DOCK4: variants seen among roughly 807,000 people sequenced by gnomAD.
DOCK4 encodes the protein dedicator of cytokinesis protein 4.
A neutral mutation model predicts 268.1 loss-of-function variants in DOCK4; 97 were observed. The ratio of observed to expected loss-of-function variants is 0.36; its 90% confidence interval spans 0.31 to 0.43. DOCK4 has a LOEUF of 0.43. Among genes scored for constraint, DOCK4 ranks in the 20% least tolerant of loss-of-function variants. DOCK4 has a pLI of 1.00. For missense variants in DOCK4, 2,145 were observed against 2,455.7 expected (o/e 0.87, Z 2.67); for synonymous variants, 954 against 887.2 (o/e 1.08, Z -1.34).
rs929041868 is a variant in DOCK4, at chr7:111,743,373, G to A, written c.4678-1241C>T. On this transcript the variant is annotated intron_variant, in intron 44 of 52. Coordinates refer to ENST00000428084, the MANE Select transcript of DOCK4 (RefSeq NM_001363540.2). ...CAAACAGGACTGACCCTGGCGGGTT[G>A]GGGCATCCAGCACCTTCCCTAAGGG... is the stretch of plus-strand genomic sequence containing the variant. Among the ~76,000 whole-genome samples, 6 of 152,214 alleles carry A rather than the reference G, an allele frequency of 3.9e-5. 1 individual carries two copies. Among genetic ancestry groups the A allele is most frequent in the African/African-American group, 1.4e-4 (6 of 41,444 alleles).
chr7:111,810,309 A>AGGTGTGGT (rs974535669), intron 28 of DOCK4, among the ~76,000 whole-genome samples: 1 of 151,974 alleles, frequency 6.6e-6, no homozygotes, highest in Admixed American at 6.6e-5. Flanking sequence ...AAAATTAGCC[A>AGGTGTGGT]GGTGTGGTGG....
At chr7:112,008,849 C>G (rs1801065090) in intron 1 of DOCK4, among the ~76,000 whole-genome samples, 1 of 152,140 alleles carries the variant, frequency 6.6e-6, no homozygotes, top group Non-Finnish European at 1.5e-5. Flanking sequence ...CAAAAAGTAG[C>G]TGGGCGTGGT....
At chr7:112,092,822 GA>G (rs1302458583) in intron 1 of DOCK4, among the ~76,000 whole-genome samples, 24 of 152,060 alleles carry the variant, frequency 1.6e-4, no homozygotes, top group Admixed American at 1.4e-3. Context: ...AAGATGAAAT[GA>G]AAAGCACAGA....
intron 1 of DOCK4, among the ~76,000 whole-genome samples, chr7:112,048,135 A>T (rs760471905): frequency 2.0e-5 from 3 of 152,188 alleles, no homozygotes; most frequent in Admixed American, 1.3e-4. Flanking sequence ...TCCAAATTCG[A>T]TAAGAACATA....
At chr7:111,944,739 C>T in intron 10 of DOCK4, 72 bp downstream of exon 10, 1 of 1,384,148 alleles carries the variant, frequency 7.2e-7, no homozygotes, top group South Asian at 1.2e-5. Flanking sequence ...TAAATCACAA[C>T]AACATAGAAA....
intron 1 of DOCK4, among the ~76,000 whole-genome samples, chr7:112,081,110 T>C (rs1808542109): frequency 6.6e-6 from 1 of 151,990 alleles, no homozygotes; most frequent in African/African-American, 2.4e-5. Flanking sequence ...ACAAAAATAC[T>C]GAGACAGGAA....
Position 112,200,725 on chromosome 7 carries a change from T to TTAA in DOCK4, c.37+5376_37+5377insTTA, listed in dbSNP as rs1554478846. 8.2e-3 allele frequency among the ~76,000 whole-genome samples: 839 copies of TTAA among 102,728 alleles called. 12 individuals are homozygous for TTAA. The highest frequency in any genetic ancestry group is 0.025 in the African/African-American group (736 of 29,860). The allele number at this position is 102,728 out of a possible 152,430, so 67.4% of individuals were successfully genotyped here. A position where few individuals can be genotyped will look rare whatever the true frequency, so the allele number is the denominator to read the frequency against. On this transcript the variant is annotated intron_variant, in intron 1 of 52. Transcript: ENST00000428084. ...CTAGCTACCATAACAGCCTCTAAAA[T>TTAA]AAAAAAAAAAAAACAAAAAAAAACA...
intron 1 of DOCK4, among the ~76,000 whole-genome samples, chr7:112,156,964 A>G (rs982892498): frequency 7.4e-6 from 1 of 134,718 alleles, no homozygotes; most frequent in African/African-American, 2.9e-5. Flanking sequence ...AATTATATAT[A>G]GCTTGATTTT....
intron 23 of DOCK4, among the ~76,000 whole-genome samples, chr7:111,850,433 C>A (rs1221599276): frequency 6.6e-6 from 1 of 152,066 alleles, no homozygotes; most frequent in Non-Finnish European, 1.5e-5. Context: ...TTGCAAAATC[C>A]TTTTGCAGCC....
In DOCK4 at chr7:111,901,806, A is replaced by T; in HGVS notation, c.1193-5T>A. ...ATAAATCATTCCTCATTTCACCTAT[A>T]AGGAAAGGAAAATTAAAACCATGTT... On this transcript the variant is annotated splice_polypyrimidine_tract_variant and splice_region_variant and intron_variant, in intron 13 of 52. Coordinates refer to ENST00000428084, the MANE Select transcript of DOCK4 (RefSeq NM_001363540.2). 6.5e-7 allele frequency: 1 copy of T among 1,543,538 alleles called. No homozygotes were observed. Among genetic ancestry groups the T allele is most frequent in the Non-Finnish European group, 8.9e-7 (1 of 1,127,722 alleles).
rs374966318 is a variant in DOCK4, at chr7:111,728,681, G to A, written c.5521C>T (p.His1841Tyr). Residue 1841 changes from histidine (H) to tyrosine (Y), a missense_variant, in exon 53 of 53, where the codon CAC becomes TAC. Physicochemically the swap from His to Tyr is moderately conservative, Grantham distance 83. Around this residue, in one of 2 missense-constraint regions of DOCK4, gnomAD observed 547 missense variants for 469.0 expected, o/e 1.17. Coordinates refer to ENST00000428084, the MANE Select transcript of DOCK4 (RefSeq NM_001363540.2). The part of the protein sequence containing the change: ...QSFTPSPVEY[H>Y]SPGLISNSPV... The stretch of plus-strand genomic sequence containing the variant: ...GAGTTGGAGATGAGTCCTGGCGAGT[G>A]GTACTCCACTGGAGAGGGGGTGAAA... The A allele has an allele frequency of 6.2e-7, 1 of 1,613,730 alleles. No individual in the cohort carries two copies. Among genetic ancestry groups the A allele is most frequent in the Non-Finnish European group, 8.5e-7 (1 of 1,179,810 alleles).
At chr7:111,976,916 A>G (rs1486806838) in intron 8 of DOCK4, 1 of 454,234 alleles carries the variant, frequency 2.2e-6, no homozygotes, top group Non-Finnish European at 3.9e-6. Flanking sequence ...TTCTGATTCT[A>G]TAGCCCTTAT....
intron 12 of DOCK4, among the ~76,000 whole-genome samples, chr7:111,926,582 G>A (rs960080227): frequency 6.7e-6 from 1 of 148,374 alleles, no homozygotes; most frequent in African/African-American, 2.5e-5. Context: ...GGGCGGGCAA[G>A]GCGGGCAAGG....
At chr7:112,131,227 T>G (rs1037901064) in intron 1 of DOCK4, among the ~76,000 whole-genome samples, 1 of 152,176 alleles carries the variant, frequency 6.6e-6, no homozygotes, top group Non-Finnish European at 1.5e-5. Context: ...CACTTGAGAT[T>G]GTTTTAAAAG....
At chr7:112,169,742 T>C (rs1817919031) in intron 1 of DOCK4, among the ~76,000 whole-genome samples, 1 of 152,114 alleles carries the variant, frequency 6.6e-6, no homozygotes, top group African/African-American at 2.4e-5. Flanking sequence ...GAAGCAGAAA[T>C]TTTTCTTTCT....
At chr7:112,062,813 T>G (rs55864601) in intron 1 of DOCK4, among the ~76,000 whole-genome samples, 43,846 of 152,022 alleles carry the variant, frequency 0.29, 10,988 homozygotes, top group African/African-American at 0.67. Context: ...GAGTAGCTGG[T>G]ATTACAGGCG....
Position 111,741,131 on chromosome 7 carries a change from C to T in DOCK4, c.5003G>A (p.Gly1668Glu). Reference protein sequence around the residue: ...QASAEVSNITGQSESSDEVFN... With the variant: ...QASAEVSNITEQSESSDEVFN... ...GACTTCATCAGAGCTTTCTGATTGC[C>T]CTGTAATATTGCTTACTTCAGCAGA... is the stretch of plus-strand genomic sequence containing the variant. Residue 1668 changes from glycine (G) to glutamate (E), a missense_variant, in exon 47 of 53, where the codon GGG (glycine) becomes GAG (glutamate). Physicochemically the swap from Gly to Glu is moderately conservative, Grantham distance 98. This residue lies in a region of DOCK4 where 547 missense variants were observed against 469.0 expected (regional missense o/e 1.17). Coordinates refer to ENST00000428084, the MANE Select transcript of DOCK4 (RefSeq NM_001363540.2). The T allele has an allele frequency of 6.2e-7, 1 of 1,613,884 alleles. No individual in the cohort carries two copies. The highest frequency in any genetic ancestry group is 1.3e-5 in the African/African-American group (1 of 75,010).
chr7:111,835,594 T>C (rs1422502562), intron 25 of DOCK4, among the ~76,000 whole-genome samples: 4 of 152,218 alleles, frequency 2.6e-5, no homozygotes, highest in Admixed American at 6.5e-5. Context: ...TATCTACTTT[T>C]AAACAGAGTA....
chr7:111,972,681 C>T (rs536157488), intron 8 of DOCK4, among the ~76,000 whole-genome samples: 36 of 151,316 alleles, frequency 2.4e-4, no homozygotes, highest in Non-Finnish European at 4.0e-4. Context: ...CCCTTTTTTA[C>T]GTTTTTTAGC....
Sources: gnomAD v4.1 joint callset for allele counts (sites outside exome capture counted in the v4.1 genomes callset) on GRCh38, gnomAD v4.1.1 for gene constraint, gnomAD v4.1.1 regional missense constraint, MANE v1.5 for transcripts, NCBI Gene and HGNC (gene_info 2026-07-23, HGNC 2026-07-21) for gene names.